Variants in FUBP3 observed in about 807,000 individuals in gnomAD.
The protein encoded by FUBP3 is far upstream element-binding protein 3.
FUBP3 carries 28 observed loss-of-function variants against 85.6 expected under a neutral mutation model. The ratio of observed to expected loss-of-function variants is 0.33; its 90% CI spans 0.24 to 0.45. The LOEUF is 0.45. Ranked by LOEUF, FUBP3 falls within the 20% of genes least tolerant of loss-of-function variation. The pLI is 1.00. For synonymous variants in FUBP3, 271 were observed against 271.4 expected (o/e 1.00, Z 0.01); for missense variants, 583 against 755.1 (o/e 0.77, Z 2.67).
chr9:130,580,317 G>C (rs899578058), intron 1 of FUBP3, among the ~76,000 whole-genome samples: 1 of 152,184 alleles, frequency 6.6e-6, no homozygotes, highest in Non-Finnish European at 1.5e-5. Context: ...TGGCAAGCTT[G>C]CCTCTACTGG....
chr9:130,632,502 G>A (rs41309960), intron 16 of FUBP3, among the ~76,000 whole-genome samples: 16,253 of 152,286 alleles, frequency 0.11, 972 homozygotes, highest in Admixed American at 0.18. Flanking sequence ...AACCTCAGGC[G>A]GGCTGGGGAC....
chr9:130,617,885 T>C lies in FUBP3; in HGVS notation c.656T>C (p.Phe219Ser), dbSNP rs2119085765. 1 of 1,569,622 alleles carries C rather than the reference T, an allele frequency of 6.4e-7. No homozygotes were observed. The highest frequency in any genetic ancestry group is 1.1e-5 in the South Asian group (1 of 89,734). Residue 219 changes from phenylalanine (F) to serine (S), a missense_variant, in exon 8 of 19, where the codon TTT becomes TCT. Transcript: ENST00000319725. Reference sequence around the variant, plus strand: ...CCTCTTCGTATCACTGGAGATGCATTTAAAGTACAGGTAGGAAAGTGCCAT... The same window carrying C: ...CCTCTTCGTATCACTGGAGATGCATCTAAAGTACAGGTAGGAAAGTGCCAT... ...DKPLRITGDA[F>S]KVQQAREMVL...
chr9:130,591,659 C>T (rs971665172), intron 1 of FUBP3, among the ~76,000 whole-genome samples: 3 of 152,256 alleles, frequency 2.0e-5, no homozygotes, highest in Admixed American at 2.0e-4. Flanking sequence ...ATGCAGTTTC[C>T]TCACTTCAGA....
chr9:130,635,385 A>G lies in FUBP3; in HGVS notation c.1583-614A>G, dbSNP rs971512196. Among the ~76,000 whole-genome samples, 2 of 152,214 alleles carry G rather than the reference A, an allele frequency of 1.3e-5. No individual in the cohort carries two copies. The highest frequency in any genetic ancestry group is 2.9e-5 in the Non-Finnish European group (2 of 68,028). On this transcript the variant is annotated intron_variant, in intron 17 of 18. Transcript: ENST00000319725. This position sits in a 1 kb window ranked among gnomAD's most constrained non-coding sequence, Gnocchi z 4.3. ...GGACTGAGGGCTTGTTTAAAGAGGT[A>G]TCTCACGTGCCTTGTGTTTGGAGGA... is the stretch of plus-strand genomic sequence containing the variant.
intron 1 of FUBP3, among the ~76,000 whole-genome samples, chr9:130,589,157 G>A (rs1247969920): frequency 6.6e-6 from 1 of 152,030 alleles, no homozygotes; most frequent in African/African-American, 2.4e-5. Flanking sequence ...TTTTTATTTG[G>A]ATTTATAAGG....
In FUBP3 at chr9:130,612,402, T is replaced by A; in HGVS notation, c.225-54T>A. The A allele has an allele frequency of 8.6e-7, 1 of 1,162,532 alleles. No individual in the cohort carries two copies. The highest frequency in any genetic ancestry group is 1.3e-5 in the South Asian group (1 of 77,446). 72.0% of individuals were successfully genotyped at this position (1,162,532 alleles called of 1,614,324 possible). ...GTATGGGCAGTTTGGGGACCTAAAA[T>A]GGCTGCAAAAGTCTGTATTCTGTAT... is the stretch of plus-strand genomic sequence containing the variant. On this transcript the variant is annotated intron_variant, in intron 3 of 18. Coordinates refer to ENST00000319725, the MANE Select transcript of FUBP3 (RefSeq NM_003934.2). This position sits in a 1 kb window ranked among gnomAD's most constrained non-coding sequence, Gnocchi z 4.1.
rs372894028 is a variant in FUBP3 at position 130,630,623 on chromosome 9, C to T, written c.1118-5C>T. 1.3e-4 allele frequency: 201 copies of T among 1,590,944 alleles called. No individual in the cohort carries two copies. The South Asian group carries it at 1.9e-3, about 15-fold the overall frequency. On this transcript the variant is annotated splice_polypyrimidine_tract_variant and splice_region_variant and intron_variant, in intron 12 of 18. Transcript: ENST00000319725. ...ACTCTTCTGCCTGTGTTGTGCTGTC[C>T]GCAGGGGGTGAGAACATCAAAAGCA...
chr9:130,599,195 G>A (rs1430700533), intron 2 of FUBP3, among the ~76,000 whole-genome samples: 1 of 152,014 alleles, frequency 6.6e-6, no homozygotes, highest in Admixed American at 6.5e-5. Context: ...GGGAGGCTGA[G>A]GCAGGAGAAT....
At chr9:130,606,090 G>A (rs930969711) in intron 2 of FUBP3, among the ~76,000 whole-genome samples, 4 of 152,166 alleles carry the variant, frequency 2.6e-5, no homozygotes, top group African/African-American at 9.7e-5. Flanking sequence ...CTTGCCAAAG[G>A]ACTTTCAGCT....
At chr9:130,620,313 G>A (rs776712006) in intron 8 of FUBP3, 41 bp from the exon 9 acceptor site, 2 of 1,256,622 alleles carry the variant, frequency 1.6e-6, no homozygotes, top group African/African-American at 3.0e-5. Context: ...TCTTTTTTCA[G>A]GAATTTTTTC....
At chr9:130,593,249 T>C (rs913582821) in intron 1 of FUBP3, among the ~76,000 whole-genome samples, 1 of 152,242 alleles carries the variant, frequency 6.6e-6, no homozygotes, top group Non-Finnish European at 1.5e-5. Flanking sequence ...TATCACCTGC[T>C]GAAATGATCA....
intron 1 of FUBP3, among the ~76,000 whole-genome samples, chr9:130,594,765 T>G (rs746349169): frequency 1.3e-5 from 2 of 151,762 alleles, no homozygotes; most frequent in Non-Finnish European, 2.9e-5. Context: ...TTGTCACATT[T>G]GAGCACATGA....
chr9:130,606,556 C>G (rs557751849), intron 2 of FUBP3, among the ~76,000 whole-genome samples: 3 of 152,108 alleles, frequency 2.0e-5, no homozygotes, highest in Non-Finnish European at 2.9e-5. Context: ...CGCGGTGGCT[C>G]ACGCCTGTAA....
chr9:130,595,207 CA>C (rs1830811128), intron 1 of FUBP3, among the ~76,000 whole-genome samples: 1 of 105,828 alleles, frequency 9.4e-6, no homozygotes, highest in Admixed American at 1.2e-4. Flanking sequence ...GCCTGGGCAA[CA>C]AGAGCGAAAC....
intron 1 of FUBP3, among the ~76,000 whole-genome samples, chr9:130,585,057 G>A (rs2119000059): frequency 6.6e-6 from 1 of 152,230 alleles, no homozygotes; most frequent in South Asian, 2.1e-4. Flanking sequence ...CTACTCGAGA[G>A]GCTGAACCAC....
At chr9:130,622,925 T>G (rs1829818309) in intron 10 of FUBP3, 115 bp downstream of exon 10, 2 of 485,752 alleles carry the variant, frequency 4.1e-6, no homozygotes, top group East Asian at 6.8e-5. Context: ...TCATGTGTAT[T>G]CACCTTTCTC....
At chr9:130,622,320 C>CAAAAAA in intron 9 of FUBP3, among the ~76,000 whole-genome samples, 1 of 44,334 alleles carries the variant, frequency 2.3e-5, no homozygotes, top group Non-Finnish European at 4.7e-5. Context: ...ACTCCATCTC[C>CAAAAAA]AAAAAAAAAA....
At chr9:130,589,878 G>T (rs1196725897) in intron 1 of FUBP3, among the ~76,000 whole-genome samples, 1 of 148,842 alleles carries the variant, frequency 6.7e-6, no homozygotes, top group Non-Finnish European at 1.5e-5. Context: ...ACTCAGCTAG[G>T]TTTTTTTGTT....
chr9:130,597,107 A>T (rs1028598283), intron 2 of FUBP3, among the ~76,000 whole-genome samples: 2 of 151,072 alleles, frequency 1.3e-5, no homozygotes, highest in African/African-American at 4.9e-5. Flanking sequence ...CATGAGTTCA[A>T]CTGTTTTGAT....
Sources: gnomAD v4.1 joint callset for allele counts (sites outside exome capture counted in the v4.1 genomes callset) on GRCh38, gnomAD v4.1.1 for gene constraint, Gnocchi (gnomAD v3.1) non-coding constraint, MANE v1.5 for transcripts, NCBI Gene and HGNC (gene_info 2026-07-23, HGNC 2026-07-21) for gene names.